TMCC1: variants seen among roughly 807,000 people sequenced by gnomAD.
TMCC1 encodes the protein transmembrane and coiled-coil domain family 1, also known as transmembrane and coiled-coil domains protein 1.
In TMCC1, 15 loss-of-function variants were observed where a neutral mutation model predicts 52.4. The observed-to-expected ratio is 0.29, with a 90% CI of 0.19 to 0.44. TMCC1 has a LOEUF of 0.44. TMCC1 is among the 20% of genes least tolerant of loss of function. The pLI is 1.00. For synonymous variants in TMCC1, 279 were observed against 301.9 expected (o/e 0.92, Z 0.79); for missense variants, 503 against 806.0 (o/e 0.62, Z 4.55).
intron 2 of TMCC1, among the ~76,000 whole-genome samples, chr3:129,854,502 C>T (rs1305114848): frequency 6.6e-6 from 1 of 151,980 alleles, no homozygotes; most frequent in South Asian, 2.1e-4. Flanking sequence ...AACTTCTTAA[C>T]ATGACCTATA....
At chr3:129,676,601 CTCTG>C (rs2108904470) in intron 4 of TMCC1, among the ~76,000 whole-genome samples, 1 of 152,340 alleles carries the variant, frequency 6.6e-6, no homozygotes, top group Admixed American at 6.5e-5. Context: ...TGTTACTTAG[CTCTG>C]TCTACTTTCT....
rs550962424 is a variant in TMCC1 at position 129,655,156 on chromosome 3, T to C, written c.1512-53A>G. On this transcript the variant is annotated intron_variant, in intron 5 of 6. Coordinates refer to ENST00000393238, the MANE Select transcript of TMCC1 (RefSeq NM_001017395.5). Reference sequence around the variant, plus strand: ...TTATGAATTCTGTGAATATCTTTCCTGGCATTATTTACATCCAACTCCCAA... The same window carrying C: ...TTATGAATTCTGTGAATATCTTTCCCGGCATTATTTACATCCAACTCCCAA... 4 of 1,588,996 alleles carry C rather than the reference T, an allele frequency of 2.5e-6. No individual in the cohort carries two copies. The Admixed American group carries it at 5.2e-5, about 21-fold the overall frequency.
chr3:129,688,545 T>G, intron 4 of TMCC1: 1 of 985,540 alleles, frequency 1.0e-6, no homozygotes, highest in Admixed American at 6.1e-5. Context: ...TACCCTCGCA[T>G]AGCCAATCCT....
chr3:129,831,068 AG>A (rs1357399053), intron 3 of TMCC1, among the ~76,000 whole-genome samples: 1 of 151,826 alleles, frequency 6.6e-6, no homozygotes, highest in Non-Finnish European at 1.5e-5. Context: ...CAGAGTAGCT[AG>A]GATTACAGGC....
At chr3:129,882,531 TA>T (rs1226969596) in intron 1 of TMCC1, among the ~76,000 whole-genome samples, 1 of 152,108 alleles carries the variant, frequency 6.6e-6, no homozygotes, top group Non-Finnish European at 1.5e-5. Context: ...AAAAAAGATT[TA>T]AAGTGTGGTC....
At chr3:129,807,450 A>C (rs1238014195) in intron 4 of TMCC1, among the ~76,000 whole-genome samples, 1 of 152,190 alleles carries the variant, frequency 6.6e-6, no homozygotes, top group Non-Finnish European at 1.5e-5. Flanking sequence ...AGGACTCATA[A>C]ATTTTCCAGA....
intron 4 of TMCC1, among the ~76,000 whole-genome samples, chr3:129,765,997 A>T (rs1191554309): frequency 6.6e-6 from 1 of 152,154 alleles, no homozygotes; most frequent in Non-Finnish European, 1.5e-5. Context: ...ATATACTCGA[A>T]GCCCAATTTG....
chr3:129,837,968 T>C (rs2059240543), intron 2 of TMCC1, among the ~76,000 whole-genome samples: 1 of 152,006 alleles, frequency 6.6e-6, no homozygotes, highest in East Asian at 1.9e-4. Flanking sequence ...AACTGAAATA[T>C]AAAGAGAAAA....
intron 5 of TMCC1, chr3:129,656,697 T>C (rs1174885965): frequency 1.3e-5 from 2 of 152,192 alleles, no homozygotes; most frequent in Non-Finnish European, 2.9e-5. Context: ...TTCTTCTTTA[T>C]CCTTGATAGG....
At chr3:129,843,911 C>A (rs376258673) in intron 2 of TMCC1, among the ~76,000 whole-genome samples, 50 of 135,550 alleles carry the variant, frequency 3.7e-4, no homozygotes, top group Non-Finnish European at 4.4e-4. Context: ...CAGACACTAC[C>A]AAAAAAAAAA....
Position 129,651,575 on chromosome 3 carries a change from C to T in TMCC1, c.1868G>A (p.Ser623Asn), listed in dbSNP as rs1476856446. The change falls in exon 7 of 7, where the codon AGC becomes AAC. Residue 623 changes from serine to asparagine, a missense_variant. Ser to Asn is a conservative substitution (Grantham distance 46). Transcript: ENST00000393238. The surrounding 1 kb of genome is among the most constrained non-coding windows in gnomAD (Gnocchi z 5.1). The part of the protein sequence containing the change: ...PLMKTRNRTF[S>N]TLFLVVFIAF... ...AATAAAAACCACAAGGAATAAAGTG[C>T]TGAACGTCCTGTTGCGAGTCTTCAT... The T allele has an allele frequency of 6.2e-7, 1 of 1,614,216 alleles. No individual in the cohort carries two copies. The highest frequency in any genetic ancestry group is 1.1e-5 in the South Asian group (1 of 91,084).
At chr3:129,746,460 T>A (rs2051984893) in intron 4 of TMCC1, among the ~76,000 whole-genome samples, 1 of 152,166 alleles carries the variant, frequency 6.6e-6, no homozygotes, top group Admixed American at 6.5e-5. Context: ...ATTACAGGTT[T>A]AGTTTTTTTT....
At chr3:129,694,949 A>G (rs1408612082) in intron 4 of TMCC1, among the ~76,000 whole-genome samples, 6 of 151,834 alleles carry the variant, frequency 4.0e-5, no homozygotes, top group African/African-American at 1.2e-4. Context: ...TGGTAACAAG[A>G]CTAACTATTT....
chr3:129,707,343 G>T (rs2048325043), intron 4 of TMCC1, among the ~76,000 whole-genome samples: 1 of 152,156 alleles, frequency 6.6e-6, no homozygotes, highest in Admixed American at 6.5e-5. Context: ...AGAATTGAAA[G>T]GGACCTTAAA....
rs529101657 is a variant in TMCC1, at chr3:129,756,357, C to T, written c.576+71446G>A. On this transcript the variant is annotated intron_variant, in intron 4 of 6. Transcript: ENST00000393238. ...ATTCATACAATGGAATACTACTTAGCAATAAAAAGGAAAATGCTATTGTTT... is the reference window on the plus strand; with the variant it reads ...ATTCATACAATGGAATACTACTTAGTAATAAAAAGGAAAATGCTATTGTTT... 2.0e-5 allele frequency among the ~76,000 whole-genome samples: 3 copies of T among 152,166 alleles called. No homozygotes were observed. The South Asian group carries it at 6.2e-4, about 32-fold the overall frequency.
intron 4 of TMCC1, among the ~76,000 whole-genome samples, chr3:129,792,188 A>ACATATATATATATACACATATATATATC (rs2056518012): frequency 1.3e-5 from 2 of 149,682 alleles, no homozygotes; most frequent in Admixed American, 6.7e-5. Flanking sequence ...ATATATATAT[A>ACATATATATATATACACATATATATATC]CATATATATA....
chr3:129,760,966 T>C (rs1272584002), intron 4 of TMCC1, among the ~76,000 whole-genome samples: 1 of 152,030 alleles, frequency 6.6e-6, no homozygotes, highest in East Asian at 1.9e-4. Flanking sequence ...TGTTGTACAG[T>C]TCTACGGGTT....
At chr3:129,698,174 G>A (rs1162998042) in intron 4 of TMCC1, among the ~76,000 whole-genome samples, 2 of 152,158 alleles carry the variant, frequency 1.3e-5, no homozygotes, top group Non-Finnish European at 1.5e-5. Context: ...AAGAAAAAGA[G>A]GTTTAATGGA....
intron 4 of TMCC1, among the ~76,000 whole-genome samples, chr3:129,819,475 C>T (rs931966839): frequency 6.6e-6 from 1 of 152,200 alleles, no homozygotes; most frequent in Non-Finnish European, 1.5e-5. Context: ...TATTATTTTA[C>T]TGCCTGTAAA....
Sources: gnomAD v4.1 joint callset for allele counts (sites outside exome capture counted in the v4.1 genomes callset) on GRCh38, gnomAD v4.1.1 for gene constraint, Gnocchi (gnomAD v3.1) non-coding constraint, MANE v1.5 for transcripts, NCBI Gene and HGNC (gene_info 2026-07-23, HGNC 2026-07-21) for gene names.